Variants in LRRIQ1 observed in about 807,000 individuals in gnomAD.
LRRIQ1 encodes the protein leucine-rich repeat- and IQ domain-containing protein 1.
In LRRIQ1, 210 loss-of-function variants were observed where a neutral mutation model predicts 211.9. The ratio of observed to expected loss-of-function variants is 0.99; its 90% CI spans 0.89 to 1.11. The LOEUF is 1.11. Ranked by LOEUF, LRRIQ1 falls within the 50% of genes most tolerant of loss-of-function variation. The pLI is 0.00. For synonymous variants in LRRIQ1, 699 were observed against 650.1 expected, an observed-to-expected ratio of 1.08 and a Z score of -1.14; for missense variants, 2,136 against 1,939.5, an observed-to-expected ratio of 1.10 and a Z score of -1.90.
At chr12:85,202,248 A>C (rs190175523) in intron 24 of LRRIQ1, among the ~76,000 whole-genome samples, 5 of 152,254 alleles carry the variant, frequency 3.3e-5, no homozygotes, top group African/African-American at 4.8e-5. Flanking sequence ...TAAGCAGGTG[A>C]AAAGAATTTA....
Position 85,093,170 on chromosome 12 carries a change from C to T in LRRIQ1, c.2888-5185C>T, listed in dbSNP as rs144657071. Among the ~76,000 whole-genome samples the T allele has an allele frequency of 2.6e-5, 4 of 152,258 alleles. No individual in the cohort carries two copies. The East Asian group carries it at 7.7e-4, about 29-fold the overall frequency. Reference sequence around the variant, plus strand: ...CTTTTGTTGTCAACCAACACAACAGCTGCAGAACTATTCAAGTATTTGAAT... The same window carrying T: ...CTTTTGTTGTCAACCAACACAACAGTTGCAGAACTATTCAAGTATTTGAAT... On this transcript the variant is annotated intron_variant, in intron 11 of 26. Coordinates refer to ENST00000393217, the MANE Select transcript of LRRIQ1 (RefSeq NM_001079910.2).
intron 24 of LRRIQ1, among the ~76,000 whole-genome samples, chr12:85,178,799 A>G (rs954898878): frequency 6.6e-6 from 1 of 151,828 alleles, no homozygotes; most frequent in Non-Finnish European, 1.5e-5. Context: ...CTCAAAACAC[A>G]TATTTACTTA....
At chr12:85,184,475 CTGTA>C (rs979468216) in intron 24 of LRRIQ1, among the ~76,000 whole-genome samples, 5 of 151,892 alleles carry the variant, frequency 3.3e-5, no homozygotes, top group African/African-American at 1.2e-4. Context: ...GTGTATTTGT[CTGTA>C]TGAGTGTAAT....
rs548042830 is a variant in LRRIQ1 at position 85,075,940 on chromosome 12, G to A, written c.2887+2842G>A. 7.9e-5 allele frequency among the ~76,000 whole-genome samples: 12 copies of A among 152,114 alleles called. No individual in the cohort carries two copies. The East Asian group carries it at 2.3e-3, about 29-fold the overall frequency. On this transcript the variant is annotated intron_variant, in intron 11 of 26. Coordinates refer to ENST00000393217, the MANE Select transcript of LRRIQ1 (RefSeq NM_001079910.2). ...TAGATTATCTAAAATTACACAGCTAGTAAATGATAGAGACAGGATTTGAAA... is the reference window on the plus strand; with the variant it reads ...TAGATTATCTAAAATTACACAGCTAATAAATGATAGAGACAGGATTTGAAA...
intron 11 of LRRIQ1, among the ~76,000 whole-genome samples, chr12:85,080,099 A>T (rs1244294796): frequency 6.6e-6 from 1 of 152,088 alleles, no homozygotes; most frequent in African/African-American, 2.4e-5. Context: ...ACATATACGT[A>T]CGTGTGTGTG....
intron 17 of LRRIQ1, 104 bp downstream of exon 17, chr12:85,124,623 C>T (rs1181170178): frequency 1.2e-6 from 1 of 868,954 alleles, no homozygotes; most frequent in Non-Finnish European, 1.8e-6. Context: ...ATTCAAATCA[C>T]AATCATATTT....
At chr12:85,265,592 A>G (rs996067154), downstream of LRRIQ1, among the ~76,000 whole-genome samples, 17 of 152,116 alleles carry the variant, frequency 1.1e-4, no homozygotes, top group African/African-American at 3.4e-4. Context: ...CATAATCTAG[A>G]CCTTGCTGTG....
At chr12:85,136,445 G>A (rs991160105) in intron 18 of LRRIQ1, among the ~76,000 whole-genome samples, 3 of 151,920 alleles carry the variant, frequency 2.0e-5, no homozygotes, top group Non-Finnish European at 4.4e-5. Flanking sequence ...GGTTTGGGAA[G>A]CATATTTGGC....
At chr12:85,148,322 C>A (rs1008175242) in intron 19 of LRRIQ1, among the ~76,000 whole-genome samples, 24 of 151,774 alleles carry the variant, frequency 1.6e-4, no homozygotes, top group African/African-American at 5.8e-4. Context: ...ACCAACAGGC[C>A]CTGATGTGTG....
At chr12:85,076,089 T>C (rs893984719) in intron 11 of LRRIQ1, among the ~76,000 whole-genome samples, 1 of 152,038 alleles carries the variant, frequency 6.6e-6, no homozygotes, top group Non-Finnish European at 1.5e-5. Flanking sequence ...TTAAAACTCT[T>C]TATGCTGAAC....
intron 11 of LRRIQ1, among the ~76,000 whole-genome samples, chr12:85,094,860 GTGTT>G (rs1425626227): frequency 6.6e-6 from 1 of 151,904 alleles, no homozygotes; most frequent in African/African-American, 2.4e-5. Flanking sequence ...GTGTACGTGT[GTGTT>G]TGTGTGTGTA....
intron 11 of LRRIQ1, among the ~76,000 whole-genome samples, chr12:85,078,092 G>A (rs1389530048): frequency 1.3e-5 from 2 of 151,966 alleles, no homozygotes; most frequent in Non-Finnish European, 1.5e-5. Context: ...TTATGGAATC[G>A]ATTACTGTTT....
intron 11 of LRRIQ1, among the ~76,000 whole-genome samples, chr12:85,097,689 TA>T (rs1886011365): frequency 6.6e-6 from 1 of 152,194 alleles, no homozygotes; most frequent in Non-Finnish European, 1.5e-5. Context: ...TCTAGATTTT[TA>T]ATATCTTCCA....
intron 24 of LRRIQ1, among the ~76,000 whole-genome samples, chr12:85,198,605 T>C (rs1893128806): frequency 6.6e-6 from 1 of 151,812 alleles, no homozygotes; most frequent in Non-Finnish European, 1.5e-5. Flanking sequence ...TCTCGCTCTG[T>C]TTCCCAGGCT....
At chr12:85,037,949 C>T (rs754597478) in intron 1 of LRRIQ1, among the ~76,000 whole-genome samples, 1 of 151,456 alleles carries the variant, frequency 6.6e-6, no homozygotes, top group Admixed American at 6.6e-5. Context: ...AGAGTATTAG[C>T]GTACAATTAC....
chr12:85,038,595 A>T (rs575804446), intron 2 of LRRIQ1, among the ~76,000 whole-genome samples: 1 of 151,836 alleles, frequency 6.6e-6, no homozygotes, highest in South Asian at 2.1e-4. Flanking sequence ...ACATATCAAA[A>T]TGGTTACTTT....
chr12:85,190,868 G>C (rs1892479372), intron 24 of LRRIQ1, among the ~76,000 whole-genome samples: 1 of 151,734 alleles, frequency 6.6e-6, no homozygotes, highest in Non-Finnish European at 1.5e-5. Flanking sequence ...TTCACCTCTA[G>C]CCATATGAAA....
chr12:85,176,429 C>A (rs1869624295), intron 24 of LRRIQ1, among the ~76,000 whole-genome samples: 1 of 151,530 alleles, frequency 6.6e-6, no homozygotes, highest in South Asian at 2.1e-4. Context: ...ATGATGAGTT[C>A]ATGTCCTTTG....
At chr12:85,087,308 G>A (rs1281712884) in intron 11 of LRRIQ1, among the ~76,000 whole-genome samples, 1 of 152,138 alleles carries the variant, frequency 6.6e-6, no homozygotes, top group Non-Finnish European at 1.5e-5. Flanking sequence ...ATTCCATGGT[G>A]TATATGTGCC....
Sources: allele counts gnomAD v4.1 joint callset (sites outside exome capture counted in the v4.1 genomes callset), GRCh38; gene constraint gnomAD v4.1.1; transcripts MANE v1.5; gene names NCBI Gene and HGNC (gene_info 2026-07-23, HGNC 2026-07-21).